PLAT: variants seen among roughly 807,000 people sequenced by gnomAD.
PLAT encodes the protein tissue-type plasminogen activator.
PLAT carries 48 observed loss-of-function variants against 74.9 expected under a neutral mutation model. The observed-to-expected ratio is 0.64, with a 90% CI of 0.51 to 0.82. The LOEUF (loss-of-function observed/expected upper bound fraction) is 0.82. Among genes scored for constraint, PLAT ranks in the 40% least tolerant of loss-of-function variants. The probability of loss-of-function intolerance (pLI) is 0.00; values close to 1 mark genes in which losing one functional copy is unlikely to be tolerated. For synonymous variants in PLAT, 307 were observed against 294.4 expected, an observed-to-expected ratio of 1.04 and a Z score of -0.44; for missense variants, 673 against 736.2, an observed-to-expected ratio of 0.91 and a Z score of 0.99.
intron 1 of PLAT, among the ~76,000 whole-genome samples, chr8:42,198,417 G>A (rs779263824): frequency 2.6e-5 from 4 of 152,162 alleles, no homozygotes; most frequent in Non-Finnish European, 4.4e-5. Flanking sequence ...GCTTGAACCC[G>A]GGAGGCGGAA....
In PLAT at chr8:42,179,004, G is replaced by A. The variant is rs1305019827; in HGVS notation, c.1423C>T (p.Arg475Cys). 1.1e-5 allele frequency: 17 copies of A among 1,613,372 alleles called. No individual in the cohort carries two copies. The highest frequency in any genetic ancestry group is 3.3e-5 in the South Asian group (3 of 91,066). The change falls in exon 13 of 14, where the codon CGC (arginine) becomes TGC (cysteine). Residue 475 changes from arginine to cysteine, a missense_variant. Coordinates refer to ENST00000220809, the MANE Select transcript of PLAT (RefSeq NM_000930.5). ...TTAAGTAAATGTTGTGATGTGCAGC[G>A]GCTGGATGGGTACAGTCTGACATGA... Reference protein sequence around the residue: ...EAHVRLYPSSRCTSQHLLNRT... With the variant: ...EAHVRLYPSSCCTSQHLLNRT...
intron 1 of PLAT, among the ~76,000 whole-genome samples, chr8:42,197,578 G>A (rs926644161): frequency 6.6e-6 from 1 of 152,198 alleles, no homozygotes; most frequent in African/African-American, 2.4e-5. Context: ...GTGGCCACAT[G>A]GGGAAATGAT....
Position 42,205,342 on chromosome 8 carries a change from C to T in PLAT, c.-27+2152G>A, listed in dbSNP as rs556883400. Among the ~76,000 whole-genome samples the T allele has an allele frequency of 7.2e-5, 11 of 152,268 alleles. No individual in the cohort carries two copies. The South Asian group carries it at 2.3e-3, about 32-fold the overall frequency. ...ACGAGTTCAAGACCAGTCTGGCCAA[C>T]ATGGTGAAACCCTGTCTCTACTAAA... On this transcript the variant is annotated intron_variant, in intron 1 of 13. Transcript: ENST00000220809.
At chr8:42,191,278 G>A in intron 3 of PLAT, 94 bp downstream of exon 3, 1 of 971,234 alleles carries the variant, frequency 1.0e-6, no homozygotes, top group Non-Finnish European at 1.7e-6. Context: ...CAGGTGGTGG[G>A]TGGAAGAAGG....
At chr8:42,180,190 G>A in intron 11 of PLAT, 52 bp downstream of exon 11, 5 of 1,608,690 alleles carry the variant, frequency 3.1e-6, no homozygotes, top group Non-Finnish European at 4.2e-6. Flanking sequence ...GAGTGCATGT[G>A]GGTGTGTTGT....
chr8:42,193,556 T>C, intron 1 of PLAT: 1 of 210,192 alleles, frequency 4.8e-6, no homozygotes, highest in African/African-American at 2.3e-5. Flanking sequence ...AACTCCCCAT[T>C]CCCCTTTTCC....
intron 1 of PLAT, among the ~76,000 whole-genome samples, chr8:42,194,233 AGAGAGAGAGTGTGT>A (rs1274594451): frequency 4.9e-4 from 30 of 61,312 alleles, no homozygotes; most frequent in Non-Finnish European, 7.5e-4. Flanking sequence ...AGAGAGAGAG[AGAGAGAGAGTGTGT>A]GTGTGTGTGT....
At chr8:42,198,565 C>G (rs559395544) in intron 1 of PLAT, among the ~76,000 whole-genome samples, 1 of 152,346 alleles carries the variant, frequency 6.6e-6, no homozygotes, top group South Asian at 2.1e-4. Context: ...GCAAACAGTG[C>G]AGTCGCTCCA....
chr8:42,178,300 C>T (rs934279796), intron 13 of PLAT, among the ~76,000 whole-genome samples: 2 of 117,268 alleles, frequency 1.7e-5, no homozygotes, highest in African/African-American at 3.4e-5. Flanking sequence ...GATCGAGTTT[C>T]GCTCTTGTTG....
At chr8:42,198,701 A>C (rs1411044573) in intron 1 of PLAT, among the ~76,000 whole-genome samples, 1 of 152,256 alleles carries the variant, frequency 6.6e-6, no homozygotes, top group Non-Finnish European at 1.5e-5. Flanking sequence ...ACTATTATCA[A>C]ATGTTGCACC....
rs8178704 is a variant in PLAT, at chr8:42,198,880, C to T, written c.-26-5669G>A. ...ACAACACACTCTCCACTGCCACCCC[C>T]GCCACAACCACCATAGCCCAGATGA... is the stretch of plus-strand genomic sequence containing the variant. On this transcript the variant is annotated intron_variant, in intron 1 of 13. Coordinates refer to ENST00000220809, the MANE Select transcript of PLAT (RefSeq NM_000930.5). Among the ~76,000 whole-genome samples, 597 of 152,328 alleles carry T rather than the reference C, an allele frequency of 3.9e-3. 8 individuals are homozygous for T. Among genetic ancestry groups the T allele is most frequent in the African/African-American group, 0.014 (575 of 41,570 alleles).
At chr8:42,180,722 A>G (rs912097102) in intron 9 of PLAT, 37 bp from the exon 10 acceptor site, 1 of 1,480,756 alleles carries the variant, frequency 6.8e-7, no homozygotes, top group Admixed American at 2.1e-5. Context: ...TCAGTCCCAC[A>G]GGCCTCCTGC....
chr8:42,182,638 G>A, intron 8 of PLAT, 81 bp downstream of exon 8: 1 of 1,089,504 alleles, frequency 9.2e-7, no homozygotes, highest in Non-Finnish European at 1.3e-6. Context: ...CATGCAACTT[G>A]AGACATTGGA....
rs1554499838 is a variant in PLAT at position 42,203,992 on chromosome 8, T to TATACACAC, written c.-27+3501_-27+3502insGTGTGTAT. Among the ~76,000 whole-genome samples the TATACACAC allele has an allele frequency of 2.4e-3, 260 of 109,838 alleles. 1 individual carries two copies. The highest frequency in any genetic ancestry group is 0.013 in the African/African-American group (247 of 19,324). 72.1% of individuals were successfully genotyped at this position (109,838 alleles called of 152,430 possible). A position where few individuals can be genotyped will look rare whatever the true frequency, so the allele number is the denominator to read the frequency against. On this transcript the variant is annotated intron_variant, in intron 1 of 13. Coordinates refer to ENST00000220809, the MANE Select transcript of PLAT (RefSeq NM_000930.5). The stretch of plus-strand genomic sequence containing the variant: ...AATTATATATATATATATATATATA[T>TATACACAC]ACACACACACACACACACACACACA...
intron 1 of PLAT, among the ~76,000 whole-genome samples, chr8:42,202,183 C>A (rs531544794): frequency 1.9e-3 from 276 of 143,756 alleles, no homozygotes; most frequent in Middle Eastern, 3.5e-3. Flanking sequence ...CCATGTCTGG[C>A]TAATTTTTTT....
intron 9 of PLAT, among the ~76,000 whole-genome samples, chr8:42,181,612 A>G (rs1380461966): frequency 6.6e-6 from 1 of 152,216 alleles, no homozygotes; most frequent in Non-Finnish European, 1.5e-5. Flanking sequence ...GGAGCCATGC[A>G]TGCGAGGCCT....
rs1244654667 is a variant in PLAT at position 42,180,204 on chromosome 8, A to T, written c.1222+38T>A. ...TGAGTGCATGTGGGTGTGTTGTGTGATCTGTATGAACTGGAGCCGGGAATG... is the reference window on the plus strand; with the variant it reads ...TGAGTGCATGTGGGTGTGTTGTGTGTTCTGTATGAACTGGAGCCGGGAATG... On this transcript the variant is annotated intron_variant, in intron 11 of 13. Transcript: ENST00000220809. The T allele has an allele frequency of 1.9e-6, 3 of 1,612,660 alleles. No homozygotes were observed. In the South Asian group the frequency reaches 3.3e-5, roughly 18 times the overall value.
chr8:42,187,598 C>A (rs748132310), intron 5 of PLAT, 26 bp from the exon 6 acceptor site: 26 of 1,559,422 alleles, frequency 1.7e-5, no homozygotes, highest in Non-Finnish European at 2.3e-5. Context: ...GCATGGATGC[C>A]TCACATGGGA....
chr8:42,181,427 G>A (rs1390837121), intron 9 of PLAT, among the ~76,000 whole-genome samples: 1 of 152,212 alleles, frequency 6.6e-6, no homozygotes, highest in African/African-American at 2.4e-5. Flanking sequence ...GGAAGTACAT[G>A]CCATTGGGGT....
Sources: gnomAD v4.1 joint callset for allele counts (sites outside exome capture counted in the v4.1 genomes callset) on GRCh38, gnomAD v4.1.1 for gene constraint, MANE v1.5 for transcripts, NCBI Gene and HGNC (gene_info 2026-07-23, HGNC 2026-07-21) for gene names.